Variants in SCAF8 observed in about 807,000 individuals in gnomAD.
The protein encoded by SCAF8 is SR-related CTD associated factor 8, also known as SR-related and CTD-associated factor 8.
Under a neutral mutation model 140.5 loss-of-function variants are expected in SCAF8, and 23 were observed. The observed-to-expected ratio is 0.16, with a 90% CI of 0.12 to 0.23. SCAF8 has a LOEUF of 0.23. Ranked by LOEUF, SCAF8 falls within the 10% of genes least tolerant of loss-of-function variation. The pLI, the probability that SCAF8 is intolerant of heterozygous loss-of-function variation, is 1.00. For missense variants in SCAF8, 1,397 were observed against 1,555.7 expected (o/e 0.90, Z 1.72); for synonymous variants, 575 against 528.9 (o/e 1.09, Z -1.20).
At position 154,827,052 on chromosome 6, in the gene SCAF8, T is replaced by C. The variant is rs143487203; in HGVS notation, c.2072-120T>C. ...ATTTCTAAAATAGAAAAAATATATA[T>C]AAATATGAGGTTGTAGTCCATTTTA... On this transcript the variant is annotated intron_variant, in intron 17 of 19. Coordinates refer to ENST00000367178, the MANE Select transcript of SCAF8 (RefSeq NM_014892.5). 1.0e-3 allele frequency: 775 copies of C among 753,398 alleles called. 4 individuals are homozygous for C. Among genetic ancestry groups the C allele is most frequent in the Middle Eastern group, 8.0e-3 (29 of 3,626 alleles). 46.7% of individuals were successfully genotyped at this position (753,398 alleles called of 1,614,324 possible).
At chr6:154,782,868 C>T (rs1777124930) in intron 3 of SCAF8, among the ~76,000 whole-genome samples, 1 of 152,106 alleles carries the variant, frequency 6.6e-6, no homozygotes, top group Non-Finnish European at 1.5e-5. Flanking sequence ...GGTGCCCACC[C>T]AGATTAAAGG....
intron 19 of SCAF8, among the ~76,000 whole-genome samples, chr6:154,831,703 TAAAAAAAAAAAAAAAAAAAAAA>T (rs58013583): frequency 2.5e-4 from 12 of 48,068 alleles, no homozygotes; most frequent in African/African-American, 4.2e-4. Flanking sequence ...CTCCTGTTCT[TAAAAAAAAAAAAAAAAAAAAAA>T]AAAAAAAAAA....
chr6:154,759,766 C>T (rs1031728564), intron 1 of SCAF8, among the ~76,000 whole-genome samples: 15 of 150,862 alleles, frequency 9.9e-5, no homozygotes, highest in African/African-American at 3.2e-4. Context: ...CCCAGGTTCA[C>T]GCCATTCTCC....
At chr6:154,736,224 T>C (rs1357281515) in intron 1 of SCAF8, among the ~76,000 whole-genome samples, 2 of 149,994 alleles carry the variant, frequency 1.3e-5, no homozygotes, top group Non-Finnish European at 3.0e-5. Context: ...TTGGGGGGGT[T>C]CCTAATAATG....
In SCAF8 at chr6:154,782,675, G is replaced by A. The variant is rs542118518; in HGVS notation, c.159+4630G>A. 5.3e-5 allele frequency among the ~76,000 whole-genome samples: 8 copies of A among 152,224 alleles called. No individual in the cohort carries two copies. The South Asian group carries it at 1.2e-3, about 24-fold the overall frequency. On this transcript the variant is annotated intron_variant, in intron 3 of 19. Transcript: ENST00000367178. ...ACACGATCACAAGGTCCCACAGCAG[G>A]CTGTCTGCAAGCTTGAGGTGCAAGG...
chr6:154,830,296 G>A (rs1287131825), intron 18 of SCAF8, among the ~76,000 whole-genome samples: 3 of 152,038 alleles, frequency 2.0e-5, no homozygotes, highest in Non-Finnish European at 4.4e-5. Flanking sequence ...ATGATTTTAC[G>A]GCATTCTAAG....
At chr6:154,796,714 T>TGG (rs1777619061) in intron 6 of SCAF8, among the ~76,000 whole-genome samples, 1 of 152,196 alleles carries the variant, frequency 6.6e-6, no homozygotes, top group Non-Finnish European at 1.5e-5. Context: ...GGCTCACACT[T>TGG]GTAATCCCAG....
intron 2 of SCAF8, among the ~76,000 whole-genome samples, chr6:154,776,528 A>G (rs1776923191): frequency 6.6e-6 from 1 of 152,210 alleles, no homozygotes; most frequent in South Asian, 2.1e-4. Flanking sequence ...TTAATTATGT[A>G]TAGTAACAAA....
At position 154,827,180 on chromosome 6, in the gene SCAF8, C is replaced by T. The variant is rs868329080; in HGVS notation, c.2080C>T (p.Pro694Ser). ...NPSQPPPGFMPPPVPPPVVPP... is the reference protein window; with the variant it reads ...NPSQPPPGFMSPPVPPPVVPP... ...TTTTTTTTTCTGTCTAGGTTTCATG[C>T]CGCCTCCAGTTCCCCCACCTGTTGT... Residue 694 changes from proline (P) to serine (S), a missense_variant, in exon 18 of 20, where the codon CCG becomes TCG. Physicochemically the swap from Pro to Ser is moderately conservative, Grantham distance 74. Around this residue, in one of 5 missense-constraint regions of SCAF8, gnomAD observed 930 missense variants for 874.6 expected, o/e 1.06. Transcript: ENST00000367178. 1.3e-6 allele frequency: 2 copies of T among 1,599,574 alleles called. No homozygotes were observed. The highest frequency in any genetic ancestry group is 1.8e-5 in the Admixed American group (1 of 57,062).
At position 154,773,282 on chromosome 6, in the gene SCAF8, T is replaced by C. The variant is rs146856864; in HGVS notation, c.31-707T>C. 3.4e-3 allele frequency among the ~76,000 whole-genome samples: 518 copies of C among 152,352 alleles called. 3 individuals are homozygous for C. The highest frequency in any genetic ancestry group is 0.013 in the South Asian group (61 of 4,830). On this transcript the variant is annotated intron_variant, in intron 1 of 19. Coordinates refer to ENST00000367178, the MANE Select transcript of SCAF8 (RefSeq NM_014892.5). ...CCAATAGATTTGCCCTTTCTGGATA[T>C]TACATATAAATGGAATTATATAATA... is the stretch of plus-strand genomic sequence containing the variant.
intron 6 of SCAF8, among the ~76,000 whole-genome samples, chr6:154,797,087 G>T (rs552118522): frequency 6.6e-6 from 1 of 151,516 alleles, no homozygotes; most frequent in South Asian, 2.1e-4. Context: ...ATTCACTTAC[G>T]CTACCTTTCC....
rs140046365 is a variant in SCAF8, at chr6:154,780,019, G to A, written c.159+1974G>A. On this transcript the variant is annotated intron_variant, in intron 3 of 19. Transcript: ENST00000367178. ...TTAATTGTCTTACATGCACTCATTTGTATATGTATGCATTTAGTTCCATGC... is the reference window on the plus strand; with the variant it reads ...TTAATTGTCTTACATGCACTCATTTATATATGTATGCATTTAGTTCCATGC... Among the ~76,000 whole-genome samples, 113 of 152,188 alleles carry A rather than the reference G, an allele frequency of 7.4e-4. 3 individuals are homozygous for A. The East Asian group carries it at 0.019, about 26-fold the overall frequency.
intron 12 of SCAF8, among the ~76,000 whole-genome samples, chr6:154,811,025 A>G (rs912145986): frequency 1.3e-5 from 2 of 152,206 alleles, no homozygotes; most frequent in Admixed American, 1.3e-4. Context: ...ACCCAGGCCT[A>G]TAATAAAAGG....
At chr6:154,781,459 G>A (rs902517701) in intron 3 of SCAF8, among the ~76,000 whole-genome samples, 1 of 152,138 alleles carries the variant, frequency 6.6e-6, no homozygotes, top group Non-Finnish European at 1.5e-5. Context: ...AACTACCACT[G>A]ACATTTTTCA....
rs558513197 is a variant in SCAF8 at position 154,753,222 on chromosome 6, T to C, written c.30+19292T>C. On this transcript the variant is annotated intron_variant, in intron 1 of 19. Coordinates refer to ENST00000367178, the MANE Select transcript of SCAF8 (RefSeq NM_014892.5). ...GCTCATGCTTATAATCCCAGCACTT[T>C]TGGGAGGCCAAAGCAGGTCAGTCAC... Among the ~76,000 whole-genome samples, 3 of 152,246 alleles carry C rather than the reference T, an allele frequency of 2.0e-5. No homozygotes were observed. The East Asian group carries it at 5.8e-4, about 29-fold the overall frequency.
chr6:154,825,175 T>G (rs1254348453), intron 17 of SCAF8: 1 of 152,198 alleles, frequency 6.6e-6, no homozygotes, highest in East Asian at 1.9e-4. Context: ...ATTTTTATTC[T>G]TTAAATATGG....
At chr6:154,818,441 GT>G (rs758225886) in intron 13 of SCAF8, 37 bp from the exon 14 acceptor site, 37 of 1,151,792 alleles carry the variant, frequency 3.2e-5, no homozygotes, top group Admixed American at 4.1e-5. Flanking sequence ...ATGAGTTTCT[GT>G]TCTTATACCT....
At position 154,833,091 on chromosome 6, in the gene SCAF8, G is replaced by A. The variant is rs751537784; in HGVS notation, c.3512G>A (p.Arg1171Lys). 3.7e-6 allele frequency: 6 copies of A among 1,614,000 alleles called. No homozygotes were observed. In the African/African-American group the frequency reaches 8.0e-5, roughly 22 times the overall value. The stretch of plus-strand genomic sequence containing the variant: ...GATGACAGAGATTTTGATTTCTGCA[G>A]AGAAATGAATGGAAATCGTCTTGGA... ...DRDDRDFDFC[R>K]EMNGNRLGRD... The change falls in exon 20 of 20, where the codon AGA becomes AAA. Residue 1171 changes from arginine to lysine, a missense_variant. By Grantham distance (26) the Arg-to-Lys change is conservative. Around this residue, in one of 5 missense-constraint regions of SCAF8, gnomAD observed 930 missense variants for 874.6 expected, o/e 1.06. Transcript: ENST00000367178.
chr6:154,740,696 C>G (rs1397580917), intron 1 of SCAF8, among the ~76,000 whole-genome samples: 2 of 150,630 alleles, frequency 1.3e-5, no homozygotes, highest in East Asian at 3.9e-4. Flanking sequence ...CAAGGGCTCA[C>G]TGCAACCTCT....
Sources: allele counts gnomAD v4.1 joint callset (sites outside exome capture counted in the v4.1 genomes callset), GRCh38; gene constraint gnomAD v4.1.1; regional missense constraint gnomAD v4.1.1; transcripts MANE v1.5; gene names NCBI Gene and HGNC (gene_info 2026-07-23, HGNC 2026-07-21).